STRIP2: variants seen among roughly 807,000 people sequenced by gnomAD.
STRIP2 encodes the protein striatin-interacting protein 2.
STRIP2 carries 84 observed loss-of-function variants against 107.1 expected under a neutral mutation model. The observed-to-expected ratio is 0.78, with a 90% CI of 0.66 to 0.94. STRIP2 has a LOEUF of 0.94. STRIP2 is among the 40% of genes least tolerant of loss of function. The pLI is 0.00. For missense variants in STRIP2, 888 were observed against 1,034.2 expected (o/e 0.86, Z 1.94); for synonymous variants, 394 against 400.4 (o/e 0.98, Z 0.19).
intron 8 of STRIP2, 65 bp downstream of exon 8, chr7:129,455,436 C>G: frequency 6.4e-7 from 1 of 1,551,918 alleles, no homozygotes; most frequent in South Asian, 1.3e-5. Flanking sequence ...TCAGTTTCTT[C>G]TAGTCTCATT....
At position 129,459,529 on chromosome 7, in the gene STRIP2, A is replaced by G. The variant is rs1187220381; in HGVS notation, c.1353A>G (p.Thr451=). The change falls in exon 12 of 21, where the codon ACA becomes ACG. Residue 451 remains threonine (T), a synonymous_variant. Coordinates refer to ENST00000249344, the MANE Select transcript of STRIP2 (RefSeq NM_020704.3). ...IGFTLGQDTD[T]LVGLPRPIHE... ...TGGCCTTTTACAGGGACACAGATAC[A>G]TTGGTTGGATTACCCAGGCCCATCC... The G allele has an allele frequency of 1.2e-6, 2 of 1,613,996 alleles. No homozygotes were observed. Among genetic ancestry groups the G allele is most frequent in the Non-Finnish European group, 1.7e-6 (2 of 1,179,966 alleles).
At chr7:129,435,489 C>T (rs79128752) in intron 1 of STRIP2, among the ~76,000 whole-genome samples, 1,971 of 152,218 alleles carry the variant, frequency 0.013, 48 homozygotes, top group African/African-American at 0.045. Flanking sequence ...GTGACTTGCC[C>T]AAGATCAGAC....
intron 1 of STRIP2, among the ~76,000 whole-genome samples, chr7:129,437,030 G>A (rs1199671450): frequency 1.3e-5 from 2 of 152,182 alleles, no homozygotes; most frequent in African/African-American, 4.8e-5. Context: ...TCATCGAAGT[G>A]AGTTTTTCTA....
chr7:129,460,046 T>C (rs762630313), intron 12 of STRIP2, among the ~76,000 whole-genome samples: 6 of 152,218 alleles, frequency 3.9e-5, no homozygotes, highest in Admixed American at 6.5e-5. Context: ...TATTTGAAGA[T>C]AAATGCTTAG....
At position 129,488,250 on chromosome 7, in the gene STRIP2, G is replaced by T. The variant is rs1286977797; in HGVS notation, c.*2421G>T. The T allele has an allele frequency of 1.3e-5, 2 of 152,564 alleles. No homozygotes were observed. The highest frequency in any genetic ancestry group is 1.3e-4 in the Admixed American group (2 of 15,274). The allele number at this position is 152,564 out of a possible 1,614,324, so 9.5% of individuals were successfully genotyped here. On this transcript the variant is annotated 3_prime_UTR_variant, in exon 21 of 21. Transcript: ENST00000249344. ...AATTCAAATTCACCAGTCTCCAATG[G>T]TGATTACTTTTACTACATAGAAAAA...
intron 2 of STRIP2, among the ~76,000 whole-genome samples, chr7:129,441,785 T>C (rs964056260): frequency 6.6e-6 from 1 of 152,192 alleles, no homozygotes; most frequent in African/African-American, 2.4e-5. Context: ...CAGCTAATTT[T>C]GTTTATCTTT....
At chr7:129,447,749 A>C (rs1798076093) in intron 3 of STRIP2, among the ~76,000 whole-genome samples, 1 of 152,280 alleles carries the variant, frequency 6.6e-6, no homozygotes, top group Admixed American at 6.5e-5. Context: ...ACCAGGTACC[A>C]GAAGATGTGT....
At chr7:129,453,626 A>G (rs1798259979) in intron 5 of STRIP2, among the ~76,000 whole-genome samples, 1 of 152,110 alleles carries the variant, frequency 6.6e-6, no homozygotes, top group African/African-American at 2.4e-5. Context: ...CTTTTTATTC[A>G]AGGACTTTCT....
At chr7:129,444,250 A>T in intron 3 of STRIP2, 152 bp downstream of exon 3, 1 of 581,754 alleles carries the variant, frequency 1.7e-6, no homozygotes, top group Non-Finnish European at 3.0e-6. Flanking sequence ...TGATAAATAG[A>T]TAGATATATA....
In STRIP2 at chr7:129,460,753, G is replaced by C. The variant is rs537332718; in HGVS notation, c.1476+381G>C. On this transcript the variant is annotated intron_variant, in intron 13 of 20. Coordinates refer to ENST00000249344, the MANE Select transcript of STRIP2 (RefSeq NM_020704.3). Reference sequence around the variant, plus strand: ...GAGGAAAGAGCATTCCAAACAGAGAGAACAGCCTTAGCAAGGGGAAAGCAG... The same window carrying C: ...GAGGAAAGAGCATTCCAAACAGAGACAACAGCCTTAGCAAGGGGAAAGCAG... Among the ~76,000 whole-genome samples, 9 of 152,316 alleles carry C rather than the reference G, an allele frequency of 5.9e-5. No individual in the cohort carries two copies. In the East Asian group the frequency reaches 1.7e-3, roughly 29 times the overall value.
intron 13 of STRIP2, chr7:129,460,676 G>GT: frequency 2.9e-6 from 1 of 349,188 alleles, no homozygotes; most frequent in Non-Finnish European, 5.4e-6. Flanking sequence ...CTCTGAGAAG[G>GT]TGACATTTAA....
At chr7:129,444,524 C>T (rs1208292788) in intron 3 of STRIP2, among the ~76,000 whole-genome samples, 1 of 152,162 alleles carries the variant, frequency 6.6e-6, no homozygotes, top group Non-Finnish European at 1.5e-5. Flanking sequence ...GGTGGATCTG[C>T]CTTCCCCAGC....
chr7:129,452,169 A>G (rs189927052), intron 4 of STRIP2, among the ~76,000 whole-genome samples: 25 of 152,300 alleles, frequency 1.6e-4, no homozygotes, highest in Admixed American at 2.6e-4. Context: ...ATTGTTTCTC[A>G]TTGGCATTTT....
At chr7:129,456,759 T>C (rs1369605935) in intron 9 of STRIP2, 117 bp downstream of exon 9, 5 of 1,022,826 alleles carry the variant, frequency 4.9e-6, no homozygotes, top group Non-Finnish European at 7.1e-6. Flanking sequence ...CCTGCCCAGG[T>C]TGGCCCTATG....
chr7:129,436,657 G>A (rs1399900444), intron 1 of STRIP2, among the ~76,000 whole-genome samples: 7 of 152,196 alleles, frequency 4.6e-5, no homozygotes, highest in Non-Finnish European at 1.0e-4. Flanking sequence ...TGCCAGATCT[G>A]CTTTTCTTCT....
intron 3 of STRIP2, among the ~76,000 whole-genome samples, chr7:129,449,725 A>G (rs1384275558): frequency 6.6e-6 from 1 of 152,204 alleles, no homozygotes; most frequent in African/African-American, 2.4e-5. Context: ...AAGGCTGTAA[A>G]TGCATCTTTC....
In STRIP2 at chr7:129,457,124, C is replaced by T. The variant is rs1048986711; in HGVS notation, c.1038+482C>T. On this transcript the variant is annotated intron_variant, in intron 9 of 20. Transcript: ENST00000249344. ...ATTTAAGAGATGACTGGGTAGGGGT[C>T]TATGTATATAACCATGTGACACTAA... 7.2e-5 allele frequency among the ~76,000 whole-genome samples: 11 copies of T among 152,128 alleles called. No homozygotes were observed. In the East Asian group the frequency reaches 2.1e-3, roughly 29 times the overall value.
At chr7:129,479,333 G>A (rs1474986726) in intron 18 of STRIP2, among the ~76,000 whole-genome samples, 4 of 151,534 alleles carry the variant, frequency 2.6e-5, no homozygotes, top group African/African-American at 4.9e-5. Flanking sequence ...AAGATATAAC[G>A]TCTGTAGAAC....
chr7:129,485,822 A>G lies in STRIP2; in HGVS notation c.2498A>G (p.Asn833Ser), dbSNP rs746925664. ...ATCTGTTGGGAGGAGCTGCTCCAGAATCACTGACTAAGTTCTTGTCAACAA... is the reference window on the plus strand; with the variant it reads ...ATCTGTTGGGAGGAGCTGCTCCAGAGTCACTGACTAAGTTCTTGTCAACAA... ...QPICWEELLQNH is the reference protein window; with the variant it reads ...QPICWEELLQSH Residue 833 changes from asparagine to serine, a missense_variant, in exon 21 of 21, where the codon AAT becomes AGT. By Grantham distance (46) the Asn-to-Ser change is conservative (BLOSUM62 1). Transcript: ENST00000249344. 14 of 1,613,758 alleles carry G rather than the reference A, an allele frequency of 8.7e-6. No individual in the cohort carries two copies. The East Asian group carries it at 2.7e-4, about 31-fold the overall frequency.
Sources: gnomAD v4.1 joint callset for allele counts (sites outside exome capture counted in the v4.1 genomes callset) on GRCh38, gnomAD v4.1.1 for gene constraint, MANE v1.5 for transcripts, NCBI Gene and HGNC (gene_info 2026-07-23, HGNC 2026-07-21) for gene names.